ANO2: variants seen among roughly 807,000 people sequenced by gnomAD.
The protein encoded by ANO2 is anoctamin 2, also known as anoctamin-2.
A neutral mutation model predicts 124.2 loss-of-function variants in ANO2; 101 were observed. The ratio of observed to expected loss-of-function variants is 0.81; its 90% CI spans 0.69 to 0.96. The LOEUF is 0.96. Ranked by LOEUF, ANO2 falls within the 40% of genes least tolerant of loss-of-function variation. The probability of loss-of-function intolerance (pLI) is 0.00; values close to 1 mark genes in which losing one functional copy is unlikely to be tolerated. For synonymous variants in ANO2, 486 were observed against 482.5 expected (o/e 1.01, Z -0.09); for missense variants, 1,293 against 1,274.5 (o/e 1.01, Z -0.22).
intron 1 of ANO2, among the ~76,000 whole-genome samples, chr12:5,936,586 G>C (rs750555928): frequency 6.6e-6 from 1 of 152,288 alleles, no homozygotes; most frequent in East Asian, 1.9e-4. Flanking sequence ...TCCCAGCCTG[G>C]AGAACTGTAA....
chr12:5,874,650 G>A (rs769837837), intron 3 of ANO2, among the ~76,000 whole-genome samples: 39 of 152,094 alleles, frequency 2.6e-4, no homozygotes, highest in Non-Finnish European at 5.1e-4. Flanking sequence ...GTGCCTTCTG[G>A]CATCCGCTTC....
intron 5 of ANO2, among the ~76,000 whole-genome samples, chr12:5,831,115 G>A (rs1954136579): frequency 6.6e-6 from 1 of 152,206 alleles, no homozygotes; most frequent in Non-Finnish European, 1.5e-5. Context: ...CATGGGGCAT[G>A]TTTGTCATGC....
intron 1 of ANO2, among the ~76,000 whole-genome samples, chr12:5,926,458 G>A (rs1358252123): frequency 2.0e-5 from 3 of 152,060 alleles, no homozygotes; most frequent in African/African-American, 7.2e-5. Context: ...ATTCTGCCCC[G>A]CCAGTCTCCA....
chr12:5,845,763 G>C (rs754456176), intron 4 of ANO2, among the ~76,000 whole-genome samples: 1 of 152,062 alleles, frequency 6.6e-6, no homozygotes, highest in Non-Finnish European at 1.5e-5. Context: ...TCTCCTTCAA[G>C]GTGTGTGCCC....
chr12:5,668,426 C>T (rs1335188154), intron 14 of ANO2, among the ~76,000 whole-genome samples: 1 of 151,470 alleles, frequency 6.6e-6, no homozygotes, highest in Non-Finnish European at 1.5e-5. Flanking sequence ...TGTTTAAGCT[C>T]CTTGCAGATT....
At chr12:5,644,920 A>T (rs994459792) in intron 15 of ANO2, among the ~76,000 whole-genome samples, 3 of 152,202 alleles carry the variant, frequency 2.0e-5, no homozygotes, top group Non-Finnish European at 2.9e-5. Flanking sequence ...ATAAAATATC[A>T]GTTGTAAGTC....
intron 3 of ANO2, among the ~76,000 whole-genome samples, chr12:5,907,693 C>T (rs749264978): frequency 2.6e-5 from 4 of 152,264 alleles, no homozygotes; most frequent in Non-Finnish European, 4.4e-5. Flanking sequence ...CCAACTTTGG[C>T]TTATTTTATG....
intron 14 of ANO2, among the ~76,000 whole-genome samples, chr12:5,649,125 C>T (rs1460275658): frequency 1.3e-5 from 2 of 152,090 alleles, no homozygotes; most frequent in African/African-American, 4.8e-5. Context: ...ACCCACACAC[C>T]GAAAGGTTTA....
At chr12:5,563,655 A>G (rs1941581455) in intron 24 of ANO2, 87 bp from the exon 25 acceptor site, 1 of 1,533,528 alleles carries the variant, frequency 6.5e-7, no homozygotes, top group Non-Finnish European at 8.8e-7. Context: ...CTCTGTGTCA[A>G]TCCTGGCTTT....
intron 21 of ANO2, 82 bp from the exon 22 acceptor site, chr12:5,578,089 T>C (rs77487631): frequency 6.6e-7 from 1 of 1,517,348 alleles, no homozygotes; most frequent in Non-Finnish European, 9.0e-7. Context: ...GGTGATGTTT[T>C]GCAGGTGAAC....
intron 14 of ANO2, among the ~76,000 whole-genome samples, chr12:5,660,015 G>A (rs1947360468): frequency 6.6e-6 from 1 of 152,192 alleles, no homozygotes; most frequent in African/African-American, 2.4e-5. Context: ...CTTCTTGTCT[G>A]CAAAATAGAG....
At chr12:5,913,481 C>G (rs78130386) in intron 3 of ANO2, among the ~76,000 whole-genome samples, 3 of 152,220 alleles carry the variant, frequency 2.0e-5, no homozygotes, top group African/African-American at 7.2e-5. Flanking sequence ...ATAGGTACTC[C>G]GTAAATCAGT....
intron 14 of ANO2, among the ~76,000 whole-genome samples, chr12:5,662,953 C>T (rs1387605290): frequency 6.6e-6 from 1 of 152,210 alleles, no homozygotes; most frequent in East Asian, 1.9e-4. Flanking sequence ...TTCAGGGGAA[C>T]AGAATCATTT....
At chr12:5,654,433 T>C (rs2136963805) in intron 14 of ANO2, among the ~76,000 whole-genome samples, 1 of 152,340 alleles carries the variant, frequency 6.6e-6, no homozygotes, top group African/African-American at 2.4e-5. Context: ...TGGAAAATAT[T>C]GAAAGCAATT....
At chr12:5,859,449 G>A (rs1202888229) in intron 3 of ANO2, among the ~76,000 whole-genome samples, 1 of 152,160 alleles carries the variant, frequency 6.6e-6, no homozygotes, top group African/African-American at 2.4e-5. Context: ...ATCAGGGAGA[G>A]TTACCCAAGA....
intron 10 of ANO2, among the ~76,000 whole-genome samples, chr12:5,758,123 C>A (rs1951634448): frequency 6.6e-6 from 1 of 152,148 alleles, no homozygotes; most frequent in African/African-American, 2.4e-5. Context: ...AGGACCTAGG[C>A]AAAGACCCAC....
intron 14 of ANO2, among the ~76,000 whole-genome samples, chr12:5,719,625 T>C (rs1191309175): frequency 6.6e-6 from 1 of 152,202 alleles, no homozygotes; most frequent in Non-Finnish European, 1.5e-5. Flanking sequence ...ACAGCCCTTA[T>C]CAAATATTGA....
chr12:5,895,901 A>G (rs1266780186), intron 3 of ANO2, among the ~76,000 whole-genome samples: 1 of 152,162 alleles, frequency 6.6e-6, no homozygotes, highest in African/African-American at 2.4e-5. Context: ...CCATCAACCA[A>G]TGAGCGAATA....
chr12:5,836,478 A>G (rs1954322197), intron 4 of ANO2, among the ~76,000 whole-genome samples: 2 of 152,148 alleles, frequency 1.3e-5, no homozygotes, highest in Admixed American at 1.3e-4. Context: ...GCCCACCTCC[A>G]ATTCAGTCTC....
Sources: allele counts gnomAD v4.1 joint callset (sites outside exome capture counted in the v4.1 genomes callset), GRCh38; gene constraint gnomAD v4.1.1; transcripts MANE v1.5; gene names NCBI Gene and HGNC (gene_info 2026-07-23, HGNC 2026-07-21).